Variants in ANK3 observed in about 807,000 individuals in gnomAD.
ANK3 encodes ankyrin-3.
Under a neutral mutation model 370.9 loss-of-function variants are expected in ANK3, and 57 were observed. The observed-to-expected ratio is 0.15, with a 90% CI of 0.12 to 0.19. The LOEUF is 0.19. Ranked by LOEUF, ANK3 falls within the 10% of genes least tolerant of loss-of-function variation. The pLI, the probability that ANK3 is intolerant of heterozygous loss-of-function variation, is 1.00. For missense variants in ANK3, 4,439 were observed against 5,302.1 expected (o/e 0.84, Z 5.06); for synonymous variants, 1,929 against 1,946.3 (o/e 0.99, Z 0.23).
intron 2 of ANK3, among the ~76,000 whole-genome samples, chr10:60,443,543 T>C (rs933599932): frequency 6.6e-6 from 1 of 152,166 alleles, no homozygotes; most frequent in African/African-American, 2.4e-5. Flanking sequence ...ACTGCCAACA[T>C]AAACTCCTTC....
intron 1 of ANK3, among the ~76,000 whole-genome samples, chr10:60,675,577 G>T (rs972945875): frequency 6.6e-6 from 1 of 152,118 alleles, no homozygotes; most frequent in Non-Finnish European, 1.5e-5. Flanking sequence ...AGTATTTTTT[G>T]AATGAATGCA....
At chr10:60,362,129 T>C (rs2058704534) in intron 1 of ANK3, among the ~76,000 whole-genome samples, 1 of 151,350 alleles carries the variant, frequency 6.6e-6, no homozygotes, top group Non-Finnish European at 1.5e-5. Context: ...GGATGTCCTA[T>C]GTGGTCACTT....
intron 1 of ANK3, among the ~76,000 whole-genome samples, chr10:60,315,886 G>A (rs1186810638): frequency 6.6e-6 from 1 of 152,100 alleles, no homozygotes; most frequent in Non-Finnish European, 1.5e-5. Context: ...CAAATATTAT[G>A]AGCGATAAGG....
intron 1 of ANK3, among the ~76,000 whole-genome samples, chr10:60,296,776 A>C (rs1192160343): frequency 6.6e-6 from 1 of 152,124 alleles, no homozygotes; most frequent in Non-Finnish European, 1.5e-5. Flanking sequence ...AGAGTCTGAG[A>C]TCAGCTTGGG....
chr10:60,606,150 G>A (rs1244830363), intron 2 of ANK3, among the ~76,000 whole-genome samples: 1 of 152,116 alleles, frequency 6.6e-6, no homozygotes, highest in East Asian at 1.9e-4. Context: ...CAAATGAAAG[G>A]TAGTCAGTCT....
chr10:60,583,521 T>G lies in ANK3; in HGVS notation c.96+31665A>C, dbSNP rs926297903. On this transcript the variant is annotated intron_variant, in intron 2 of 43. Coordinates refer to the ANK3 transcript ENST00000373827. ...ACAGAGAGGTTTTTTGTTTTTTGTT[T>G]TTTGTTTTTTTTTGAGGTGGAATCT... is the stretch of plus-strand genomic sequence containing the variant. Among the ~76,000 whole-genome samples, 16 of 127,016 alleles carry G rather than the reference T, an allele frequency of 1.3e-4. 1 individual carries two copies. Among genetic ancestry groups the G allele is most frequent in the African/African-American group, 2.5e-4 (9 of 35,970 alleles). 83.3% of individuals were successfully genotyped at this position (127,016 alleles called of 152,430 possible).
intron 8 of ANK3, among the ~76,000 whole-genome samples, chr10:60,218,164 C>A (rs187736499): frequency 7.0e-6 from 1 of 142,510 alleles, no homozygotes; most frequent in Non-Finnish European, 1.5e-5. Context: ...TTATTTTGAG[C>A]CTATGTGTGT....
chr10:60,370,782 C>T (rs906198904), intron 1 of ANK3, among the ~76,000 whole-genome samples: 1 of 152,168 alleles, frequency 6.6e-6, no homozygotes, highest in Non-Finnish European at 1.5e-5. Context: ...TCCGTGTTCT[C>T]GGATGTTCCA....
chr10:60,317,710 ATTT>A (rs11365078), intron 1 of ANK3, among the ~76,000 whole-genome samples: 43 of 109,330 alleles, frequency 3.9e-4, no homozygotes, highest in African/African-American at 4.7e-4. Context: ...TCATGAGATA[ATTT>A]TTTTTTTTTT....
At chr10:60,522,413 T>C (rs1055078036) in intron 2 of ANK3, among the ~76,000 whole-genome samples, 2 of 151,864 alleles carry the variant, frequency 1.3e-5, no homozygotes, top group Non-Finnish European at 2.9e-5. Context: ...ATGGCCCTTT[T>C]CTGTCTCCTT....
At chr10:60,538,493 T>C (rs188826988) in intron 2 of ANK3, among the ~76,000 whole-genome samples, 1 of 152,050 alleles carries the variant, frequency 6.6e-6, no homozygotes, top group Admixed American at 6.6e-5. Flanking sequence ...CTTAAAAGCC[T>C]ACCTCTTCAT....
chr10:60,071,026 A>T lies in ANK3; in HGVS notation c.9855T>A (p.Asn3285Lys). The T allele has an allele frequency of 6.2e-7, 1 of 1,614,132 alleles. No individual in the cohort carries two copies. ...PEKEVDMIEV[N>K]LQDEHDKYQL... ...GGTACTTGTCATGCTCATCTTGCAGATTGACTTCAATCATGTCAACCTCTT... is the reference window on the plus strand; with the variant it reads ...GGTACTTGTCATGCTCATCTTGCAGTTTGACTTCAATCATGTCAACCTCTT... Residue 3285 changes from asparagine to lysine, a missense_variant, in exon 37 of 44, where the codon AAT becomes AAA. Asn to Lys is a moderately conservative substitution (Grantham distance 94, BLOSUM62 0). Transcript: ENST00000280772.
At chr10:60,158,513 T>G (rs1032579974) in intron 23 of ANK3, among the ~76,000 whole-genome samples, 1 of 152,140 alleles carries the variant, frequency 6.6e-6, no homozygotes, top group African/African-American at 2.4e-5. Context: ...TTTCATTTTC[T>G]TTTTGCCTGT....
chr10:60,508,633 A>C (rs2076000101), intron 2 of ANK3: 2 of 152,658 alleles, frequency 1.3e-5, no homozygotes, highest in South Asian at 4.1e-4. Flanking sequence ...TACCTACAAA[A>C]GGAAAAGCAG....
At chr10:60,733,284 G>C in exon 1 of ANK3, 2 of 1,237,960 alleles carry the variant, frequency 1.6e-6, no homozygotes, top group Non-Finnish European at 2.0e-6. Flanking sequence ...CGGAGTCCTC[G>C]GTGCCCGCGG....
chr10:60,314,659 G>A (rs2047037372), intron 1 of ANK3, among the ~76,000 whole-genome samples: 1 of 152,104 alleles, frequency 6.6e-6, no homozygotes, highest in Admixed American at 6.5e-5. Context: ...TCATCAAATG[G>A]GGAAAATTTT....
chr10:60,279,197 C>T, intron 2 of ANK3, 49 bp from the exon 3 acceptor site: 1 of 1,517,728 alleles, frequency 6.6e-7, no homozygotes, highest in Non-Finnish European at 9.1e-7. Flanking sequence ...GAAAATAGAG[C>T]AGTAAACAAC....
At position 60,031,240 on chromosome 10, in the gene ANK3, G is replaced by A. The variant is rs563387709; in HGVS notation, c.*20-1414C>T. On this transcript the variant is annotated intron_variant, in intron 43 of 43. Coordinates refer to ENST00000280772, the MANE Select transcript of ANK3 (RefSeq NM_020987.5). Reference sequence around the variant, plus strand: ...ACTTCTACCACTGCAAAGAACTTTCGCTTTTCCTGTCCATGTCAGTCATAA... The same window carrying A: ...ACTTCTACCACTGCAAAGAACTTTCACTTTTCCTGTCCATGTCAGTCATAA... Among the ~76,000 whole-genome samples, 6 of 152,088 alleles carry A rather than the reference G, an allele frequency of 3.9e-5. No individual in the cohort carries two copies. The South Asian group carries it at 8.4e-4, about 21-fold the overall frequency.
At chr10:60,564,278 A>G (rs753122881) in intron 2 of ANK3, among the ~76,000 whole-genome samples, 12 of 152,238 alleles carry the variant, frequency 7.9e-5, no homozygotes, top group Non-Finnish European at 1.6e-4. Context: ...AAAATGGAAA[A>G]GGATTAACAT....
Sources: gnomAD v4.1 joint callset for allele counts (sites outside exome capture counted in the v4.1 genomes callset) on GRCh38, gnomAD v4.1.1 for gene constraint, MANE v1.5 for transcripts, NCBI Gene and HGNC (gene_info 2026-07-23, HGNC 2026-07-21) for gene names.